The following CADPS2 variants were observed in gnomAD, a reference collection of about 807,000 sequenced individuals.
The protein encoded by CADPS2 is calcium-dependent secretion activator 2.
In CADPS2, 93 loss-of-function variants were observed where a neutral mutation model predicts 172.5. The ratio of observed to expected loss-of-function variants is 0.54; its 90% CI spans 0.46 to 0.64. The LOEUF (loss-of-function observed/expected upper bound fraction) is 0.64. Among genes scored for constraint, CADPS2 ranks in the 30% least tolerant of loss-of-function variants. The pLI, the probability that CADPS2 is intolerant of heterozygous loss-of-function variation, is 0.00. For synonymous variants in CADPS2, 546 were observed against 555.2 expected, an observed-to-expected ratio of 0.98 and a Z score of 0.23; for missense variants, 1,420 against 1,565.9, an observed-to-expected ratio of 0.91 and a Z score of 1.57.
intron 9 of CADPS2, among the ~76,000 whole-genome samples, chr7:122,499,755 G>A (rs2059042075): frequency 2.0e-5 from 3 of 152,148 alleles, no homozygotes; most frequent in African/African-American, 2.4e-5. Flanking sequence ...GTATCCTTAA[G>A]TTATAATTAT....
chr7:122,624,803 A>T (rs1406448968), intron 4 of CADPS2, among the ~76,000 whole-genome samples: 1 of 152,172 alleles, frequency 6.6e-6, no homozygotes, highest in Non-Finnish European at 1.5e-5. Flanking sequence ...AGTGTCTGCT[A>T]TGTGTTCTGC....
chr7:122,383,977 G>C (rs1237732905), intron 24 of CADPS2, among the ~76,000 whole-genome samples: 1 of 152,090 alleles, frequency 6.6e-6, no homozygotes, highest in Non-Finnish European at 1.5e-5. Flanking sequence ...GAATGAAGTG[G>C]TTCTGAGGGC....
At chr7:122,724,006 C>T (rs1318033370) in intron 2 of CADPS2, among the ~76,000 whole-genome samples, 1 of 135,420 alleles carries the variant, frequency 7.4e-6, no homozygotes, top group Non-Finnish European at 1.5e-5. Context: ...GGAAGAGGAA[C>T]ATCACACACT....
chr7:122,558,996 C>A (rs886206342), intron 7 of CADPS2, among the ~76,000 whole-genome samples: 1 of 152,108 alleles, frequency 6.6e-6, no homozygotes, highest in Non-Finnish European at 1.5e-5. Context: ...CCATATATGT[C>A]TCTTAGCTTA....
At chr7:122,680,835 T>C (rs2082949579) in intron 2 of CADPS2, among the ~76,000 whole-genome samples, 2 of 152,208 alleles carry the variant, frequency 1.3e-5, no homozygotes, top group South Asian at 2.1e-4. Flanking sequence ...CACACGTATG[T>C]TTATTGCGGC....
intron 1 of CADPS2, among the ~76,000 whole-genome samples, chr7:122,824,051 T>C (rs890567623): frequency 1.3e-5 from 2 of 152,210 alleles, no homozygotes; most frequent in African/African-American, 4.8e-5. Context: ...TATCATTTTG[T>C]CCCTTTGATC....
chr7:122,665,402 C>T (rs148687270), intron 2 of CADPS2, among the ~76,000 whole-genome samples: 1 of 152,218 alleles, frequency 6.6e-6, no homozygotes, highest in East Asian at 1.9e-4. Context: ...GACAGACTTC[C>T]GTACTGAAAC....
intron 1 of CADPS2, among the ~76,000 whole-genome samples, chr7:122,872,837 T>G (rs1820133253): frequency 6.6e-6 from 1 of 152,124 alleles, no homozygotes; most frequent in Non-Finnish European, 1.5e-5. Flanking sequence ...GTAACAACTT[T>G]GTAAACTAAA....
intron 1 of CADPS2, among the ~76,000 whole-genome samples, chr7:122,759,053 T>C (rs534069935): frequency 6.7e-6 from 1 of 150,224 alleles, no homozygotes; most frequent in Admixed American, 6.6e-5. Flanking sequence ...GCCAAAAAAA[T>C]CTTCAGTTTC....
chr7:122,438,495 G>C, intron 16 of CADPS2, 31 bp from the exon 17 acceptor site: 4 of 1,609,856 alleles, frequency 2.5e-6, no homozygotes, highest in Non-Finnish European at 3.4e-6. Flanking sequence ...AGGGTGAGGG[G>C]CAGGGTTGGG....
chr7:122,667,077 A>G (rs985914438), intron 2 of CADPS2, among the ~76,000 whole-genome samples: 2 of 152,150 alleles, frequency 1.3e-5, no homozygotes, highest in South Asian at 2.1e-4. Context: ...TATTGTTTAT[A>G]TTAAGCGTTC....
chr7:122,349,338 G>A (rs1351754554), intron 27 of CADPS2, among the ~76,000 whole-genome samples: 1 of 151,978 alleles, frequency 6.6e-6, no homozygotes, highest in Non-Finnish European at 1.5e-5. Context: ...CATATAGTAA[G>A]TACTCTATGT....
At chr7:122,655,042 G>A (rs1273519002) in intron 3 of CADPS2, among the ~76,000 whole-genome samples, 1 of 152,182 alleles carries the variant, frequency 6.6e-6, no homozygotes, top group African/African-American at 2.4e-5. Context: ...AACAGAAGTG[G>A]AGCCTAAAGA....
chr7:122,566,123 G>A (rs1017936466), intron 7 of CADPS2, among the ~76,000 whole-genome samples: 4 of 152,198 alleles, frequency 2.6e-5, no homozygotes, highest in African/African-American at 7.2e-5. Flanking sequence ...TTTTAAGGCC[G>A]AATAAAATCC....
chr7:122,474,657 C>A, intron 12 of CADPS2, 140 bp from the exon 13 acceptor site: 1 of 735,548 alleles, frequency 1.4e-6, no homozygotes, highest in Non-Finnish European at 2.1e-6. Flanking sequence ...AAGAGTTCAG[C>A]ATATTAACAT....
At chr7:122,723,283 T>C (rs2090686942) in intron 2 of CADPS2, among the ~76,000 whole-genome samples, 1 of 152,194 alleles carries the variant, frequency 6.6e-6, no homozygotes, top group Non-Finnish European at 1.5e-5. Context: ...TCTACTCATC[T>C]GACAAAGGCC....
intron 1 of CADPS2, among the ~76,000 whole-genome samples, chr7:122,826,939 A>T (rs1478870086): frequency 6.6e-6 from 1 of 152,188 alleles, no homozygotes; most frequent in Non-Finnish European, 1.5e-5. Flanking sequence ...ATAAGAACGT[A>T]AATCAATGAA....
chr7:122,816,802 G>T (rs1642231178), intron 1 of CADPS2, among the ~76,000 whole-genome samples: 1 of 152,184 alleles, frequency 6.6e-6, no homozygotes, highest in Non-Finnish European at 1.5e-5. Context: ...ATGGCCTGAA[G>T]TAACTGAAGA....
At chr7:122,362,279 G>T (rs767018659) in intron 25 of CADPS2, among the ~76,000 whole-genome samples, 6 of 152,060 alleles carry the variant, frequency 3.9e-5, no homozygotes, top group Non-Finnish European at 5.9e-5. Context: ...GTTATGGAGA[G>T]AAAACAGATA....
Sources: allele counts gnomAD v4.1 joint callset (sites outside exome capture counted in the v4.1 genomes callset), GRCh38; gene constraint gnomAD v4.1.1; transcripts MANE v1.5; gene names NCBI Gene and HGNC (gene_info 2026-07-23, HGNC 2026-07-21).